The following LRRN1 variants were observed in gnomAD, a reference collection of about 807,000 sequenced individuals.
LRRN1 encodes leucine rich repeat neuronal 1, also known as leucine-rich repeat neuronal protein 1.
In LRRN1, 14 loss-of-function variants were observed where a neutral mutation model predicts 45.8. That is an observed-to-expected ratio of 0.31 (90% CI 0.20 to 0.48). LRRN1 has a LOEUF of 0.48. Among genes scored for constraint, LRRN1 ranks in the 20% least tolerant of loss-of-function variants. The probability of loss-of-function intolerance (pLI) is 0.99; values close to 1 mark genes in which losing one functional copy is unlikely to be tolerated. For synonymous variants in LRRN1, 359 were observed against 330.1 expected (o/e 1.09, Z -0.95); for missense variants, 789 against 874.2 (o/e 0.90, Z 1.23).
At position 3,845,100 on chromosome 3, in the gene LRRN1, C is replaced by T. The variant is rs113168029; in HGVS notation, c.459C>T (p.Asn153=). Residue 153 remains asparagine (N), a synonymous_variant, in exon 2 of 2, where the codon AAC becomes AAT. Transcript: ENST00000319331. This position sits in a 1 kb window ranked among gnomAD's most constrained non-coding sequence, Gnocchi z 6.5. ...TTCAAGAACTCTACATCAACCACAA[C>T]CAAATTAGCACTATTTCTGCTCATG... ...SNLQELYINH[N]QISTISAHAF... The T allele has an allele frequency of 8.0e-3, 12,873 of 1,614,056 alleles. 72 individuals are homozygous for T. The highest frequency in any genetic ancestry group is 1.0e-2 in the Non-Finnish European group (11,750 of 1,179,986).
rs558116158 is a variant in LRRN1, at chr3:3,834,710, C to T, written c.-278-9654C>T. Among the ~76,000 whole-genome samples the T allele has an allele frequency of 5.5e-4, 83 of 150,804 alleles. 2 individuals carry two copies. The Middle Eastern group carries it at 0.01, about 19-fold the overall frequency. ...AGGAGCAAGGAGAACCAGTCTGAGT[C>T]CTAAAACTGAAGAACTTGGAGTCTG... On this transcript the variant is annotated intron_variant, in intron 1 of 1. Coordinates refer to ENST00000319331, the MANE Select transcript of LRRN1 (RefSeq NM_020873.7).
At chr3:3,832,796 A>C (rs1693399007) in intron 1 of LRRN1, among the ~76,000 whole-genome samples, 1 of 152,166 alleles carries the variant, frequency 6.6e-6, no homozygotes, top group African/African-American at 2.4e-5. Context: ...TATTTTGTCC[A>C]TGTGACCTAG....
At chr3:3,825,937 T>C (rs1693206099) in intron 1 of LRRN1, among the ~76,000 whole-genome samples, 1 of 152,198 alleles carries the variant, frequency 6.6e-6, no homozygotes, top group African/African-American at 2.4e-5. Flanking sequence ...TTATAGATGC[T>C]ATTTTTATAC....
rs758158771 is a variant in LRRN1 at position 3,846,508 on chromosome 3, A to G, written c.1867A>G (p.Ile623Val). ...TTKNAAFAVD[I>V]SDQETSTALA... ...CAAAAATGCCGCCTTCGCAGTGGAC[A>G]TCTCTGATCAAGAAACCAGTACAGC... The change falls in exon 2 of 2, where the codon ATC (isoleucine) becomes GTC (valine). Residue 623 changes from isoleucine (I) to valine (V), a missense_variant. Coordinates refer to ENST00000319331, the MANE Select transcript of LRRN1 (RefSeq NM_020873.7). The surrounding 1 kb of genome is among the most constrained non-coding windows in gnomAD (Gnocchi z 5.7). 1.2e-6 allele frequency: 2 copies of G among 1,614,068 alleles called. No homozygotes were observed. Among genetic ancestry groups the G allele is most frequent in the African/African-American group, 1.3e-5 (1 of 74,934 alleles).
At chr3:3,842,261 C>T (rs1693667489) in intron 1 of LRRN1, among the ~76,000 whole-genome samples, 1 of 151,744 alleles carries the variant, frequency 6.6e-6, no homozygotes, top group Non-Finnish European at 1.5e-5. Flanking sequence ...GGTAAAGTAA[C>T]CAGACTTGGA....
chr3:3,845,497 A>C lies in LRRN1; in HGVS notation c.856A>C (p.Met286Leu), dbSNP rs373107741. 24 of 1,614,030 alleles carry C rather than the reference A, an allele frequency of 1.5e-5. No individual in the cohort carries two copies. The highest frequency in any genetic ancestry group is 1.9e-5 in the Non-Finnish European group (23 of 1,180,008). Reference sequence around the variant, plus strand: ...AATCCAAGAAGGGGACTTCAAAAATATGCTTCGGTTAAAAGAACTGGGAAT... The same window carrying C: ...AATCCAAGAAGGGGACTTCAAAAATCTGCTTCGGTTAAAAGAACTGGGAAT... ...HKIQEGDFKNMLRLKELGINN... is the reference protein window; with the variant it reads ...HKIQEGDFKNLLRLKELGINN... Residue 286 changes from methionine to leucine, a missense_variant, in exon 2 of 2, where the codon ATG becomes CTG. Transcript: ENST00000319331. The surrounding 1 kb of genome is among the most constrained non-coding windows in gnomAD (Gnocchi z 6.5).
chr3:3,818,418 G>T (rs560384343), intron 1 of LRRN1, among the ~76,000 whole-genome samples: 8 of 152,268 alleles, frequency 5.3e-5, no homozygotes, highest in African/African-American at 1.9e-4. Flanking sequence ...GTTTTGTTCT[G>T]TGCTGGGCCT....
At chr3:3,835,711 G>T (rs1024429833) in intron 1 of LRRN1, among the ~76,000 whole-genome samples, 1 of 151,322 alleles carries the variant, frequency 6.6e-6, no homozygotes, top group Non-Finnish European at 1.5e-5. Flanking sequence ...AAGTCCCACC[G>T]AATAATGTCA....
chr3:3,818,209 C>G (rs1357731364), intron 1 of LRRN1, among the ~76,000 whole-genome samples: 1 of 152,174 alleles, frequency 6.6e-6, no homozygotes, highest in Non-Finnish European at 1.5e-5. Context: ...CATATTAAGC[C>G]TGCCAAAGTA....
chr3:3,839,427 A>G (rs1030567165), intron 1 of LRRN1, among the ~76,000 whole-genome samples: 3 of 152,184 alleles, frequency 2.0e-5, no homozygotes, highest in Non-Finnish European at 4.4e-5. Flanking sequence ...AAGAAGTGTG[A>G]AGTCTCCAAC....
chr3:3,844,802 C>G lies in LRRN1; in HGVS notation c.161C>G (p.Thr54Ser). The G allele has an allele frequency of 6.2e-7, 1 of 1,614,172 alleles. No individual in the cohort carries two copies. The highest frequency in any genetic ancestry group is 8.5e-7 in the Non-Finnish European group (1 of 1,180,010). The change falls in exon 2 of 2, where the codon ACC becomes AGC. Residue 54 changes from threonine to serine, a missense_variant. Transcript: ENST00000319331. Reference protein sequence around the residue: ...FTPQSTYREATTVDCNDLRLT... With the variant: ...FTPQSTYREASTVDCNDLRLT... ...CCACAGTCAACTTACAGAGAAGCCA[C>G]CACTGTTGATTGCAATGACCTCCGC...
rs2106467717 is a variant in LRRN1, at chr3:3,837,536, CTAAA to C, written c.-278-6825_-278-6822del. On this transcript the variant is annotated intron_variant, in intron 1 of 1. Coordinates refer to ENST00000319331, the MANE Select transcript of LRRN1 (RefSeq NM_020873.7). ...TTTCTACAATTATGAAACACACTCT[CTAAA>C]TAGGAGATACATAAGCCCTCACTCT... 1.3e-5 allele frequency among the ~76,000 whole-genome samples: 2 copies of C among 152,160 alleles called. 1 individual carries two copies. The highest frequency in any genetic ancestry group is 4.2e-4 in the South Asian group (2 of 4,816).
chr3:3,810,275 G>A lies in LRRN1; in HGVS notation c.-279+10356G>A, dbSNP rs79951031. Reference sequence around the variant, plus strand: ...AGATATCATTCCACCAAGAGGAGCTGAATTTAAGACATTGTAGCAAACAAA... The same window carrying A: ...AGATATCATTCCACCAAGAGGAGCTAAATTTAAGACATTGTAGCAAACAAA... On this transcript the variant is annotated intron_variant, in intron 1 of 1. Transcript: ENST00000319331. Among the ~76,000 whole-genome samples, 550 of 152,256 alleles carry A rather than the reference G, an allele frequency of 3.6e-3. 8 individuals are homozygous for A. The highest frequency in any genetic ancestry group is 0.034 in the South Asian group (162 of 4,818).
chr3:3,845,966 C>T lies in LRRN1; in HGVS notation c.1325C>T (p.Thr442Met), dbSNP rs747455683. The T allele has an allele frequency of 2.6e-5, 42 of 1,614,068 alleles. No homozygotes were observed. Among genetic ancestry groups the T allele is most frequent in the Middle Eastern group, 1.6e-4 (1 of 6,062 alleles). ...PNRLNVDIGT[T>M]VFLDCRAMAE... ...CGTTTAAACGTGGATATCGGCACGA[C>T]GGTTTTCCTAGACTGTCGAGCCATG... is the stretch of plus-strand genomic sequence containing the variant. The change falls in exon 2 of 2, where the codon ACG (threonine) becomes ATG (methionine). Residue 442 changes from threonine to methionine, a missense_variant. Coordinates refer to ENST00000319331, the MANE Select transcript of LRRN1 (RefSeq NM_020873.7). This position sits in a 1 kb window ranked among gnomAD's most constrained non-coding sequence, Gnocchi z 6.5.
At chr3:3,836,381 TCTA>T (rs1334878988) in intron 1 of LRRN1, among the ~76,000 whole-genome samples, 1 of 152,212 alleles carries the variant, frequency 6.6e-6, no homozygotes, top group Non-Finnish European at 1.5e-5. Flanking sequence ...CAACCACCTT[TCTA>T]CTTTCTGTTT....
chr3:3,824,825 A>G (rs1328289986), intron 1 of LRRN1, among the ~76,000 whole-genome samples: 2 of 152,196 alleles, frequency 1.3e-5, no homozygotes, highest in Non-Finnish European at 2.9e-5. Context: ...AGTGCAGGAC[A>G]GGGTGCTTGG....
intron 1 of LRRN1, among the ~76,000 whole-genome samples, chr3:3,820,545 A>T (rs1480405500): frequency 6.6e-6 from 1 of 152,156 alleles, no homozygotes; most frequent in Non-Finnish European, 1.5e-5. Context: ...AAAAGAGGAG[A>T]TCTATTCTGA....
At chr3:3,806,013 CA>C in intron 1 of LRRN1, among the ~76,000 whole-genome samples, 1 of 152,194 alleles carries the variant, frequency 6.6e-6, no homozygotes, top group Non-Finnish European at 1.5e-5. Context: ...CAGAGGATTT[CA>C]ACCAAGGGTG....
intron 1 of LRRN1, among the ~76,000 whole-genome samples, chr3:3,826,876 C>T (rs1440907635): frequency 1.3e-5 from 2 of 152,134 alleles, no homozygotes; most frequent in African/African-American, 4.8e-5. Context: ...GAATAAAATA[C>T]ATCCTCAATA....
Sources: allele counts gnomAD v4.1 joint callset (sites outside exome capture counted in the v4.1 genomes callset), GRCh38; gene constraint gnomAD v4.1.1; non-coding constraint Gnocchi (gnomAD v3.1); transcripts MANE v1.5; gene names NCBI Gene and HGNC (gene_info 2026-07-23, HGNC 2026-07-21).